Variants in MPRIP observed in about 807,000 individuals in gnomAD.
MPRIP encodes myosin phosphatase Rho-interacting protein.
Under a neutral mutation model 234.9 loss-of-function variants are expected in MPRIP, and 59 were observed. The observed-to-expected ratio is 0.25, with a 90% CI of 0.20 to 0.31. MPRIP has a LOEUF of 0.31. Ranked by LOEUF, MPRIP falls within the 10% of genes least tolerant of loss-of-function variation. The pLI is 1.00. For missense variants in MPRIP, 2,436 were observed against 3,071.0 expected (o/e 0.79, Z 4.89); for synonymous variants, 1,144 against 1,263.9 (o/e 0.91, Z 2.01).
At chr17:17,056,012 G>A (rs747154795) in intron 1 of MPRIP, among the ~76,000 whole-genome samples, 1 of 152,184 alleles carries the variant, frequency 6.6e-6, no homozygotes, top group Non-Finnish European at 1.5e-5. Flanking sequence ...ACCCAGCTGT[G>A]GGACTCCAGG....
At chr17:17,096,894 T>TCTACA in intron 3 of MPRIP, 3 of 438,540 alleles carry the variant, frequency 6.8e-6, no homozygotes, top group East Asian at 7.2e-5. Context: ...TGAAAAAGCA[T>TCTACA]CCTTGTCTTC....
At chr17:17,089,364 C>T (rs1169020993) in intron 3 of MPRIP, among the ~76,000 whole-genome samples, 1 of 152,232 alleles carries the variant, frequency 6.6e-6, no homozygotes, top group African/African-American at 2.4e-5. Flanking sequence ...TGGCCTCTTC[C>T]TGTCACCACT....
At chr17:17,114,719 C>T (rs2090248839) in intron 3 of MPRIP, among the ~76,000 whole-genome samples, 1 of 152,298 alleles carries the variant, frequency 6.6e-6, no homozygotes. Context: ...CGCCCACCCA[C>T]CACCAGTTTT....
chr17:17,155,920 G>A lies in MPRIP; in HGVS notation c.1829+1505G>A, dbSNP rs534378314. On this transcript the variant is annotated intron_variant, in intron 13 of 23. Transcript: ENST00000651222. ...CCATCAGGAGCAGACACCCAAGCTT[G>A]ACAAGCTAAGTGCTCTTTTCCAAGC... is the stretch of plus-strand genomic sequence containing the variant. Among the ~76,000 whole-genome samples the A allele has an allele frequency of 2.0e-5, 3 of 152,360 alleles. No individual in the cohort carries two copies. In the South Asian group the frequency reaches 6.2e-4, roughly 32 times the overall value.
intron 12 of MPRIP, among the ~76,000 whole-genome samples, chr17:17,151,524 G>C (rs769709499): frequency 1.3e-5 from 2 of 152,176 alleles, no homozygotes; most frequent in Non-Finnish European, 2.9e-5. Flanking sequence ...TGTCCTCATA[G>C]TTGAACTCCA....
Position 17,061,971 on chromosome 17 carries a change from A to AT in MPRIP, c.124-13727dup, listed in dbSNP as rs548310771. Among the ~76,000 whole-genome samples, 1,201 of 144,708 alleles carry AT rather than the reference A, an allele frequency of 8.3e-3. 7 individuals are homozygous for AT. The highest frequency in any genetic ancestry group is 0.01 in the Non-Finnish European group (682 of 65,718). 94.9% of individuals were successfully genotyped at this position (144,708 alleles called of 152,430 possible). On this transcript the variant is annotated intron_variant, in intron 1 of 23. Coordinates refer to ENST00000651222, the MANE Select transcript of MPRIP (RefSeq NM_001364716.4). Reference sequence around the variant, plus strand: ...GGGTATGCTTGTGTCTGACATGATCATTTTTTTTTTTTAATAAAAAATGGC... The same window carrying AT: ...GGGTATGCTTGTGTCTGACATGATCATTTTTTTTTTTTTAATAAAAAATGGC...
Position 17,046,244 on chromosome 17 carries a change from T to C in MPRIP, c.123+3273T>C, listed in dbSNP as rs974808317. 2.0e-5 allele frequency among the ~76,000 whole-genome samples: 3 copies of C among 152,266 alleles called. No homozygotes were observed. In the South Asian group the frequency reaches 6.2e-4, roughly 31 times the overall value. On this transcript the variant is annotated intron_variant, in intron 1 of 23. Coordinates refer to ENST00000651222, the MANE Select transcript of MPRIP (RefSeq NM_001364716.4). ...ATAAAGATGCCAGAACCATTTTGCA[T>C]ATTAGGCCTTTAGGAGTGTACTATA...
At chr17:17,074,675 C>CAGA in intron 1 of MPRIP, among the ~76,000 whole-genome samples, 1 of 152,232 alleles carries the variant, frequency 6.6e-6, no homozygotes, top group African/African-American at 2.4e-5. Flanking sequence ...GACCACTAAT[C>CAGA]TGCTTTCTGT....
intron 3 of MPRIP, among the ~76,000 whole-genome samples, chr17:17,102,217 T>C (rs2089976758): frequency 6.6e-6 from 1 of 152,130 alleles, no homozygotes; most frequent in African/African-American, 2.4e-5. Flanking sequence ...GCCACTCCTG[T>C]CTGCGTTACC....
chr17:17,176,736 G>A (rs1368287613), intron 21 of MPRIP, among the ~76,000 whole-genome samples: 1 of 152,228 alleles, frequency 6.6e-6, no homozygotes, highest in Non-Finnish European at 1.5e-5. Context: ...CAGCTTCAGT[G>A]TGTATGTGCT....
At position 17,158,788 on chromosome 17, in the gene MPRIP, C is replaced by T; in HGVS notation, c.2186C>T (p.Ala729Val). 6.2e-7 allele frequency: 1 copy of T among 1,611,702 alleles called. No individual in the cohort carries two copies. The highest frequency in any genetic ancestry group is 8.5e-7 in the Non-Finnish European group (1 of 1,179,890). The part of the protein sequence containing the change: ...ATDGPGTEDA[A>V]LRMEVDRSPG... ...GACGGGCCAGGCACTGAGGATGCAG[C>T]CCTGCGCATGGAGGTGGACCGGAGC... Residue 729 changes from alanine to valine, a missense_variant, in exon 14 of 24, where the codon GCC becomes GTC. Ala to Val is a moderately conservative substitution (Grantham distance 64). Around this residue, in one of 4 missense-constraint regions of MPRIP, gnomAD observed 1,998 missense variants for 2,520.3 expected, o/e 0.79. Transcript: ENST00000651222.
At chr17:17,068,801 T>C (rs2089120948) in intron 1 of MPRIP, among the ~76,000 whole-genome samples, 1 of 152,242 alleles carries the variant, frequency 6.6e-6, no homozygotes, top group Non-Finnish European at 1.5e-5. Context: ...CCCATAGTGC[T>C]GGGATTACAG....
Position 17,167,292 on chromosome 17 carries a change from G to A in MPRIP, c.5701G>A (p.Glu1901Lys), listed in dbSNP as rs1030035451. 18 of 1,303,938 alleles carry A rather than the reference G, an allele frequency of 1.4e-5. No homozygotes were observed. The highest frequency in any genetic ancestry group is 1.8e-5 in the Non-Finnish European group (18 of 988,946). The allele number at this position is 1,303,938 out of a possible 1,614,324, so 80.8% of individuals were successfully genotyped here. A position where few individuals can be genotyped will look rare whatever the true frequency, so the allele number is the denominator to read the frequency against. The change falls in exon 16 of 24, where the codon GAG (glutamate) becomes AAG (lysine). Residue 1901 changes from glutamate (E) to lysine (K), a missense_variant. Coordinates refer to ENST00000651222, the MANE Select transcript of MPRIP (RefSeq NM_001364716.4). This position sits in a 1 kb window ranked among gnomAD's most constrained non-coding sequence, Gnocchi z 5.9. ...YEELLRKQKS[E>K]YLDVIAIVER... ...GGAGCTTCTCCGCAAGCAGAAGAGC[G>A]AGTACCTGGATGTGATCGCCATTGT...
intron 1 of MPRIP, among the ~76,000 whole-genome samples, chr17:17,055,743 AG>A (rs1555560375): frequency 1.3e-5 from 2 of 151,998 alleles, no homozygotes; most frequent in African/African-American, 4.8e-5. Context: ...TCCTCTTCCT[AG>A]GGGGCCCGGC....
intron 4 of MPRIP, among the ~76,000 whole-genome samples, chr17:17,127,606 G>A (rs1286873451): frequency 6.6e-6 from 1 of 152,250 alleles, no homozygotes; most frequent in Non-Finnish European, 1.5e-5. Context: ...GGCTCATTGG[G>A]CCTGACAGGA....
At chr17:17,102,049 AT>A (rs1171252325) in intron 3 of MPRIP, among the ~76,000 whole-genome samples, 1 of 150,518 alleles carries the variant, frequency 6.6e-6, no homozygotes, top group Non-Finnish European at 1.5e-5. Context: ...TTTTTTTTTA[AT>A]TTTTTTTATT....
rs74432940 is a variant in MPRIP at position 17,146,385 on chromosome 17, C to T, written c.1560+293C>T. ...GATGCCTTGTAACACTAGCCCCCAC[C>T]TGGTGATCTTTCCTAAAAGTTGTTT... On this transcript the variant is annotated intron_variant, in intron 10 of 23. Coordinates refer to ENST00000651222, the MANE Select transcript of MPRIP (RefSeq NM_001364716.4). Among the ~76,000 whole-genome samples the T allele has an allele frequency of 5.2e-3, 796 of 152,346 alleles. 4 individuals are homozygous for T. Among genetic ancestry groups the T allele is most frequent in the Non-Finnish European group, 7.1e-3 (486 of 68,022 alleles).
chr17:17,104,870 G>A (rs778036929), intron 3 of MPRIP, among the ~76,000 whole-genome samples: 4 of 152,194 alleles, frequency 2.6e-5, no homozygotes, highest in Non-Finnish European at 4.4e-5. Flanking sequence ...TTATTTCCCT[G>A]AGCCCACTCT....
intron 1 of MPRIP, among the ~76,000 whole-genome samples, chr17:17,050,149 A>T (rs2143837078): frequency 6.6e-6 from 1 of 152,298 alleles, no homozygotes; most frequent in East Asian, 1.9e-4. Flanking sequence ...CCCTGTCTCT[A>T]CTAAAAATAC....
Sources: gnomAD v4.1 joint callset for allele counts (sites outside exome capture counted in the v4.1 genomes callset) on GRCh38, gnomAD v4.1.1 for gene constraint, gnomAD v4.1.1 regional missense constraint, Gnocchi (gnomAD v3.1) non-coding constraint, MANE v1.5 for transcripts, NCBI Gene and HGNC (gene_info 2026-07-23, HGNC 2026-07-21) for gene names.